Variants in AKT3 observed in about 807,000 individuals in gnomAD.
AKT3 encodes the protein RAC-gamma serine/threonine-protein kinase.
AKT3 carries 15 observed loss-of-function variants against 65.3 expected under a neutral mutation model. The ratio of observed to expected loss-of-function variants is 0.23; its 90% CI spans 0.15 to 0.35. The LOEUF is 0.35. AKT3 is among the 10% of genes least tolerant of loss of function. AKT3 has a pLI of 1.00. For synonymous variants in AKT3, 206 were observed against 183.8 expected (o/e 1.12, Z -0.98); for missense variants, 243 against 576.5 (o/e 0.42, Z 5.92).
chr1:243,714,472 G>C (rs1486762964), intron 2 of AKT3, among the ~76,000 whole-genome samples: 1 of 152,082 alleles, frequency 6.6e-6, no homozygotes, highest in African/African-American at 2.4e-5. Context: ...TAAGATTTCT[G>C]ATATGTCACC....
rs1268199421 is a variant in AKT3 at position 243,499,779 on chromosome 1, T to TTGC, written c.*5467_*5469dup. 3.1e-6 allele frequency: 5 copies of TTGC among 1,612,886 alleles called. No individual in the cohort carries two copies. The Admixed American group carries it at 8.3e-5, about 27-fold the overall frequency. The stretch of plus-strand genomic sequence containing the variant: ...AGTTACCCAGCATGCCACAATCTGA[T>TTGC]TGCTGACCTGGATGGAACAGAGTGA... On this transcript the variant is annotated 3_prime_UTR_variant, in exon 14 of 14. Transcript: ENST00000673466.
At chr1:243,601,905 A>C (rs1299240841) in intron 8 of AKT3, among the ~76,000 whole-genome samples, 1 of 152,122 alleles carries the variant, frequency 6.6e-6, no homozygotes, top group African/African-American at 2.4e-5. Flanking sequence ...CCAATTATAC[A>C]TATGTTGCTT....
At chr1:243,683,117 T>A (rs1271826263) in intron 3 of AKT3, among the ~76,000 whole-genome samples, 1 of 152,186 alleles carries the variant, frequency 6.6e-6, no homozygotes, top group Non-Finnish European at 1.5e-5. Context: ...TGCTGTGGGC[T>A]CTGCCATTTG....
chr1:243,545,726 G>A (rs2148449680), intron 11 of AKT3, 129 bp from the exon 12 acceptor site: 1 of 625,954 alleles, frequency 1.6e-6, no homozygotes, highest in Non-Finnish European at 2.7e-6. Flanking sequence ...AGCTCTAAAA[G>A]TAAAAAGCTT....
At chr1:243,746,413 A>G (rs1487512711) in intron 2 of AKT3, among the ~76,000 whole-genome samples, 3 of 152,238 alleles carry the variant, frequency 2.0e-5, no homozygotes, top group Non-Finnish European at 4.4e-5. Context: ...TAATACCAAC[A>G]TAAGCCTATA....
intron 6 of AKT3, chr1:243,625,067 TC>T: frequency 3.3e-6 from 1 of 307,454 alleles, no homozygotes; most frequent in Non-Finnish European, 6.6e-6. Flanking sequence ...CCTTGCCCTT[TC>T]CCCACTTTAG....
chr1:243,662,934 G>A (rs2147913730), intron 4 of AKT3, among the ~76,000 whole-genome samples: 1 of 152,302 alleles, frequency 6.6e-6, no homozygotes, highest in African/African-American at 2.4e-5. Context: ...GGATTTTAGA[G>A]TCTTAAGATC....
intron 2 of AKT3, among the ~76,000 whole-genome samples, chr1:243,797,952 G>A (rs529578622): frequency 6.8e-5 from 10 of 146,480 alleles, no homozygotes; most frequent in Admixed American, 3.4e-4. Flanking sequence ...GTGTGATCTC[G>A]GCTCACTAAA....
chr1:243,807,474 C>G (rs933518681), intron 2 of AKT3, among the ~76,000 whole-genome samples: 4 of 152,204 alleles, frequency 2.6e-5, no homozygotes, highest in African/African-American at 7.2e-5. Flanking sequence ...AACGCGGCAG[C>G]AAGGCTGAGG....
At chr1:243,818,238 G>T (rs1247824207) in intron 2 of AKT3, 1 of 152,146 alleles carries the variant, frequency 6.6e-6, no homozygotes, top group East Asian at 1.9e-4. Context: ...AAAATTCTAA[G>T]TCATTATTAC....
intron 2 of AKT3, among the ~76,000 whole-genome samples, chr1:243,767,091 G>A (rs938401400): frequency 2.0e-5 from 3 of 152,138 alleles, no homozygotes; most frequent in Admixed American, 6.6e-5. Flanking sequence ...CATGACAGCA[G>A]AAGAGCTAAG....
intron 13 of AKT3, among the ~76,000 whole-genome samples, chr1:243,489,627 A>C (rs1433386755): frequency 6.6e-6 from 1 of 152,206 alleles, no homozygotes; most frequent in Admixed American, 6.5e-5. Flanking sequence ...TAATATCTGG[A>C]GTGCTTGCAG....
At chr1:243,506,958 A>G (rs905023553) in intron 13 of AKT3, among the ~76,000 whole-genome samples, 12 of 152,256 alleles carry the variant, frequency 7.9e-5, no homozygotes, top group African/African-American at 2.9e-4. Flanking sequence ...CCCGTGGTTG[A>G]GCCCCAGAGT....
At chr1:243,827,900 A>G (rs1694266464) in intron 2 of AKT3, among the ~76,000 whole-genome samples, 3 of 152,216 alleles carry the variant, frequency 2.0e-5, no homozygotes, top group Non-Finnish European at 4.4e-5. Flanking sequence ...GTCAGTTGAC[A>G]GGAAAGGAAT....
intron 12 of AKT3, among the ~76,000 whole-genome samples, chr1:243,516,825 G>A (rs1010396625): frequency 5.3e-5 from 8 of 152,138 alleles, no homozygotes; most frequent in East Asian, 3.8e-4. Context: ...GACTAGTCTC[G>A]AACTCCTCTA....
At chr1:243,559,387 ACTGCATTGTAAG>A (rs1673618246) in intron 10 of AKT3, among the ~76,000 whole-genome samples, 1 of 152,180 alleles carries the variant, frequency 6.6e-6, no homozygotes, top group Admixed American at 6.6e-5. Flanking sequence ...AAGTTGGAAA[ACTGCATTGTAAG>A]CTGCATTCTT....
intron 2 of AKT3, among the ~76,000 whole-genome samples, chr1:243,727,218 G>T (rs948955155): frequency 6.6e-6 from 1 of 152,174 alleles, no homozygotes; most frequent in African/African-American, 2.4e-5. Flanking sequence ...AAAATAAAGG[G>T]CAGACAAAAG....
intron 2 of AKT3, among the ~76,000 whole-genome samples, chr1:243,767,567 T>C (rs1689909891): frequency 6.6e-6 from 1 of 152,102 alleles, no homozygotes; most frequent in South Asian, 2.1e-4. Flanking sequence ...TAATTAATAC[T>C]TCACAAGAAA....
chr1:243,624,733 A>C (rs940301627), intron 6 of AKT3: 2 of 198,924 alleles, frequency 1.0e-5, no homozygotes, highest in African/African-American at 4.7e-5. Flanking sequence ...ACCATACTTA[A>C]TTTCTCTTAT....
Sources: allele counts gnomAD v4.1 joint callset (sites outside exome capture counted in the v4.1 genomes callset), GRCh38; gene constraint gnomAD v4.1.1; transcripts MANE v1.5; gene names NCBI Gene and HGNC (gene_info 2026-07-23, HGNC 2026-07-21).